Variants in CNTN5 observed in about 807,000 individuals in gnomAD.
CNTN5 encodes contactin-5.
CNTN5 carries 77 observed loss-of-function variants against 129.1 expected under a neutral mutation model. That is an observed-to-expected ratio of 0.60 (90% CI 0.50 to 0.72). The LOEUF is 0.72. CNTN5 is among the 30% of genes least tolerant of loss of function. The pLI is 0.00. For missense variants in CNTN5, 1,478 were observed against 1,328.8 expected, an observed-to-expected ratio of 1.11 and a Z score of -1.75; for synonymous variants, 509 against 465.6, an observed-to-expected ratio of 1.09 and a Z score of -1.20.
intron 21 of CNTN5, among the ~76,000 whole-genome samples, chr11:100,310,744 T>C (rs577231431): frequency 6.6e-6 from 1 of 152,052 alleles, no homozygotes; most frequent in African/African-American, 2.4e-5. Flanking sequence ...GAAATCAACC[T>C]TTCTGTGGTT....
intron 9 of CNTN5, among the ~76,000 whole-genome samples, chr11:100,005,136 C>G (rs1358161973): frequency 6.6e-6 from 1 of 152,180 alleles, no homozygotes; most frequent in Non-Finnish European, 1.5e-5. Context: ...GTGCCTACCA[C>G]AGCACCTGGC....
chr11:100,255,805 A>T lies in CNTN5; in HGVS notation c.2051A>T (p.Glu684Val). 1 of 1,613,924 alleles carries T rather than the reference A, an allele frequency of 6.2e-7. No individual in the cohort carries two copies. Among genetic ancestry groups the T allele is most frequent in the South Asian group, 1.1e-5 (1 of 91,080 alleles). The change falls in exon 17 of 25, where the codon GAA becomes GTA. Residue 684 changes from glutamate to valine, a missense_variant. Coordinates refer to ENST00000524871, the MANE Select transcript of CNTN5 (RefSeq NM_014361.4). ...PGIVIVEEIT[E>V]STATLSWSPA... ...ATAGTAATTGTTGAGGAAATAACCG[A>T]AAGTACGGCCACACTGTCCTGGAGC...
intron 13 of CNTN5, among the ~76,000 whole-genome samples, chr11:100,123,493 T>A (rs1192627008): frequency 6.6e-6 from 1 of 152,000 alleles, no homozygotes. Flanking sequence ...TTTAACTGAT[T>A]ACAATGCCAA....
intron 2 of CNTN5, among the ~76,000 whole-genome samples, chr11:99,443,826 T>C (rs911790318): frequency 2.0e-5 from 3 of 152,160 alleles, no homozygotes; most frequent in Non-Finnish European, 2.9e-5. Context: ...ATGCCAGTGG[T>C]GTTAAAGCTT....
chr11:99,811,872 T>G (rs1003466009), intron 3 of CNTN5, among the ~76,000 whole-genome samples: 1 of 151,824 alleles, frequency 6.6e-6, no homozygotes, highest in Non-Finnish European at 1.5e-5. Flanking sequence ...AAGAAATGAT[T>G]AACATGTAAC....
chr11:99,392,364 A>G (rs1438168741), intron 2 of CNTN5, among the ~76,000 whole-genome samples: 3 of 151,850 alleles, frequency 2.0e-5, no homozygotes, highest in African/African-American at 4.8e-5. Flanking sequence ...CCTGTCTCCT[A>G]TTTAGGTTGA....
chr11:99,463,108 A>AAAATAAATAAATAAAC (rs1554994204), intron 2 of CNTN5, among the ~76,000 whole-genome samples: 7 of 121,148 alleles, frequency 5.8e-5, no homozygotes, highest in Middle Eastern at 4.4e-3. Flanking sequence ...ACTCCATCTC[A>AAAATAAATAAATAAAC]AAATAAATAA....
At chr11:100,330,873 C>T (rs1313175091) in intron 21 of CNTN5, among the ~76,000 whole-genome samples, 1 of 152,134 alleles carries the variant, frequency 6.6e-6, no homozygotes, top group Non-Finnish European at 1.5e-5. Flanking sequence ...AATAGAACCT[C>T]CTCAAAGCAT....
intron 13 of CNTN5, among the ~76,000 whole-genome samples, chr11:100,086,847 G>A (rs550978898): frequency 6.6e-6 from 1 of 151,338 alleles, no homozygotes; most frequent in East Asian, 1.9e-4. Flanking sequence ...ATCAGAGTGG[G>A]GAATCTCAAA....
chr11:100,327,283 C>G (rs1043395605), intron 21 of CNTN5, among the ~76,000 whole-genome samples: 3 of 152,196 alleles, frequency 2.0e-5, no homozygotes, highest in African/African-American at 7.2e-5. Context: ...ACTACAAGAT[C>G]TGGCTCCATC....
At chr11:99,590,246 C>T (rs761689303) in intron 3 of CNTN5, among the ~76,000 whole-genome samples, 3 of 152,098 alleles carry the variant, frequency 2.0e-5, no homozygotes, top group Non-Finnish European at 4.4e-5. Context: ...CAAAAACTAC[C>T]ATTGATAATA....
chr11:100,237,332 A>G (rs891918430), intron 16 of CNTN5, among the ~76,000 whole-genome samples: 2 of 152,108 alleles, frequency 1.3e-5, no homozygotes, highest in African/African-American at 4.8e-5. Flanking sequence ...CTATTCCCCA[A>G]TCGTACTTTA....
intron 2 of CNTN5, among the ~76,000 whole-genome samples, chr11:99,544,332 T>A (rs7949834): frequency 0.49 from 74,004 of 151,942 alleles, 18,479 homozygotes; most frequent in African/African-American, 0.58. Context: ...GATTTAGAGG[T>A]TACAACATCA....
chr11:100,173,386 T>G (rs2138418249), intron 13 of CNTN5, among the ~76,000 whole-genome samples: 1 of 152,260 alleles, frequency 6.6e-6, no homozygotes, highest in African/African-American at 2.4e-5. Context: ...ACCAGTATTT[T>G]ATTTCTTGTT....
At chr11:99,725,708 G>A (rs904008237) in intron 3 of CNTN5, among the ~76,000 whole-genome samples, 1 of 152,162 alleles carries the variant, frequency 6.6e-6, no homozygotes, top group African/African-American at 2.4e-5. Context: ...GATTCCTGTA[G>A]TGTATCTGCA....
chr11:99,310,477 G>A (rs79653919), intron 1 of CNTN5, among the ~76,000 whole-genome samples: 3,596 of 151,910 alleles, frequency 0.024, 149 homozygotes, highest in African/African-American at 0.082. Context: ...TTATTACGTT[G>A]GTAAAATGTT....
rs576648985 is a variant in CNTN5 at position 99,030,970 on chromosome 11, T to C, written c.-210+9700T>C. ...TAATTTTTATTTTTATTTTTATTTT[T>C]GTATTTTTAGTAGAGACTGGGTTTC... On this transcript the variant is annotated intron_variant, in intron 1 of 24. Transcript: ENST00000524871. 1.3e-4 allele frequency among the ~76,000 whole-genome samples: 19 copies of C among 151,928 alleles called. No individual in the cohort carries two copies. The South Asian group carries it at 3.7e-3, about 30-fold the overall frequency.
chr11:99,963,884 A>G (rs1453150738), intron 8 of CNTN5, among the ~76,000 whole-genome samples: 4 of 151,970 alleles, frequency 2.6e-5, no homozygotes, highest in Non-Finnish European at 2.9e-5. Flanking sequence ...ATCCCTTGTA[A>G]GTTGGATTCC....
chr11:99,884,895 T>C (rs1948860074), intron 6 of CNTN5, among the ~76,000 whole-genome samples: 1 of 152,092 alleles, frequency 6.6e-6, no homozygotes, highest in Admixed American at 6.6e-5. Context: ...AAGAATTGCT[T>C]GAACCAGGGA....
Sources: allele counts gnomAD v4.1 joint callset (sites outside exome capture counted in the v4.1 genomes callset), GRCh38; gene constraint gnomAD v4.1.1; transcripts MANE v1.5; gene names NCBI Gene and HGNC (gene_info 2026-07-23, HGNC 2026-07-21).